Variants in TMEM132D observed in about 807,000 individuals in gnomAD.
TMEM132D encodes transmembrane protein 132D.
A neutral mutation model predicts 62.3 loss-of-function variants in TMEM132D; 21 were observed. The ratio of observed to expected loss-of-function variants is 0.34; its 90% CI spans 0.24 to 0.49. TMEM132D has a LOEUF of 0.49. Ranked by LOEUF, TMEM132D falls within the 20% of genes least tolerant of loss-of-function variation. TMEM132D has a pLI of 0.99. For synonymous variants in TMEM132D, 621 were observed against 575.6 expected, an observed-to-expected ratio of 1.08 and a Z score of -1.13; for missense variants, 1,346 against 1,402.8, an observed-to-expected ratio of 0.96 and a Z score of 0.65.
At chr12:129,107,193 G>C (rs1323789486) in intron 5 of TMEM132D, among the ~76,000 whole-genome samples, 1 of 152,112 alleles carries the variant, frequency 6.6e-6, no homozygotes, top group Non-Finnish European at 1.5e-5. Flanking sequence ...CATAACAAGA[G>C]AAAAACAAAC....
intron 4 of TMEM132D, among the ~76,000 whole-genome samples, chr12:129,281,017 C>T (rs1881130046): frequency 6.6e-6 from 1 of 152,018 alleles, no homozygotes; most frequent in South Asian, 2.1e-4. Context: ...CTCTTTACTC[C>T]TTTCTCTGGT....
chr12:129,182,216 T>A (rs1425737882), intron 5 of TMEM132D, among the ~76,000 whole-genome samples: 1 of 152,074 alleles, frequency 6.6e-6, no homozygotes, highest in African/African-American at 2.4e-5. Flanking sequence ...ACAAAAAAAT[T>A]AGCCGGGTGC....
chr12:129,109,418 T>C (rs1345645919), intron 5 of TMEM132D, among the ~76,000 whole-genome samples: 1 of 152,242 alleles, frequency 6.6e-6, no homozygotes, highest in Non-Finnish European at 1.5e-5. Context: ...TGAGTTAATA[T>C]AGATAAACTC....
chr12:129,557,472 T>A (rs1032393086), intron 2 of TMEM132D, among the ~76,000 whole-genome samples: 2 of 152,104 alleles, frequency 1.3e-5, no homozygotes, highest in Non-Finnish European at 2.9e-5. Flanking sequence ...CCCAACAACT[T>A]GGGAAGCTAA....
intron 4 of TMEM132D, among the ~76,000 whole-genome samples, chr12:129,333,611 A>G (rs913174118): frequency 2.0e-5 from 3 of 152,188 alleles, no homozygotes; most frequent in African/African-American, 7.2e-5. Flanking sequence ...AGGACAGTCC[A>G]GGACAGCACC....
intron 2 of TMEM132D, among the ~76,000 whole-genome samples, chr12:129,554,893 C>T (rs1444401252): frequency 1.3e-5 from 2 of 152,264 alleles, no homozygotes; most frequent in East Asian, 1.9e-4. Context: ...GAAATGCTGA[C>T]GGCCTGGTCT....
intron 1 of TMEM132D, among the ~76,000 whole-genome samples, chr12:129,807,891 T>C (rs2137313068): frequency 6.6e-6 from 1 of 152,296 alleles, no homozygotes; most frequent in South Asian, 2.1e-4. Context: ...GTATTCAGCA[T>C]CATAGGAGGA....
chr12:129,388,783 T>C (rs1281191653), intron 3 of TMEM132D, among the ~76,000 whole-genome samples: 3 of 112,718 alleles, frequency 2.7e-5, no homozygotes, highest in Non-Finnish European at 3.8e-5. Flanking sequence ...AATCCAGCAC[T>C]GATGATAATA....
At chr12:129,289,073 G>A (rs941333909) in intron 4 of TMEM132D, among the ~76,000 whole-genome samples, 15 of 152,118 alleles carry the variant, frequency 9.9e-5, no homozygotes, top group African/African-American at 3.6e-4. Context: ...GAAGCAGACA[G>A]TAGAACGGTG....
At chr12:129,552,927 C>T (rs1876940500) in intron 2 of TMEM132D, among the ~76,000 whole-genome samples, 2 of 152,152 alleles carry the variant, frequency 1.3e-5, no homozygotes, top group South Asian at 2.1e-4. Context: ...TAAAGTGTCA[C>T]CTTTTGATCC....
intron 4 of TMEM132D, among the ~76,000 whole-genome samples, chr12:129,333,902 T>C (rs140000060): frequency 0.017 from 2,627 of 152,150 alleles, 70 homozygotes; most frequent in African/African-American, 0.06. Context: ...AGGTGGATCA[T>C]CTTAGGTCAG....
At chr12:129,707,202 ATATAT>A (rs1247937280) in intron 1 of TMEM132D, among the ~76,000 whole-genome samples, 2 of 148,066 alleles carry the variant, frequency 1.4e-5, no homozygotes, top group Admixed American at 6.8e-5. Context: ...TTGTAATATA[ATATAT>A]AATAGTATAT....
intron 4 of TMEM132D, among the ~76,000 whole-genome samples, chr12:129,288,565 G>T (rs1422923507): frequency 6.6e-6 from 1 of 152,170 alleles, no homozygotes; most frequent in African/African-American, 2.4e-5. Context: ...ATCATCTCAT[G>T]CCTGTTAGGA....
chr12:129,811,227 A>G (rs1387650516), intron 1 of TMEM132D, among the ~76,000 whole-genome samples: 1 of 151,638 alleles, frequency 6.6e-6, no homozygotes, highest in East Asian at 1.9e-4. Context: ...TAAAGATATC[A>G]ATTCTCTCCT....
intron 3 of TMEM132D, among the ~76,000 whole-genome samples, chr12:129,444,620 C>T (rs1178670654): frequency 6.6e-6 from 1 of 152,190 alleles, no homozygotes; most frequent in Non-Finnish European, 1.5e-5. Flanking sequence ...CCTCCCCACC[C>T]TCCTCTGACA....
intron 3 of TMEM132D, among the ~76,000 whole-genome samples, chr12:129,356,147 A>ATTTTTTTTTTTTT (rs35842499): frequency 5.5e-5 from 2 of 36,546 alleles, no homozygotes; most frequent in African/African-American, 2.5e-4. Context: ...AACTGAAGGG[A>ATTTTTTTTTTTTT]TTTTTTTTTT....
intron 4 of TMEM132D, among the ~76,000 whole-genome samples, chr12:129,290,612 T>C (rs1285974951): frequency 2.6e-5 from 4 of 152,196 alleles, no homozygotes; most frequent in African/African-American, 7.2e-5. Context: ...TATAAAAGTA[T>C]AGAAAAAGGT....
At chr12:129,463,954 T>C (rs1415654766) in intron 3 of TMEM132D, among the ~76,000 whole-genome samples, 8 of 150,096 alleles carry the variant, frequency 5.3e-5, no homozygotes, top group African/African-American at 2.5e-5. Flanking sequence ...TGTGTCTTTA[T>C]AGCAGCATGA....
At chr12:129,817,141 A>G (rs906393726) in intron 1 of TMEM132D, among the ~76,000 whole-genome samples, 3 of 152,226 alleles carry the variant, frequency 2.0e-5, no homozygotes, top group Admixed American at 2.0e-4. Flanking sequence ...AATGAGCAAT[A>G]TGCAATGGCT....
Sources: allele counts gnomAD v4.1 joint callset (sites outside exome capture counted in the v4.1 genomes callset), GRCh38; gene constraint gnomAD v4.1.1; transcripts MANE v1.5; gene names NCBI Gene and HGNC (gene_info 2026-07-23, HGNC 2026-07-21).